The following FOCAD variants were observed in gnomAD, a reference collection of about 807,000 sequenced individuals.
FOCAD encodes focadhesin.
FOCAD carries 198 observed loss-of-function variants against 225.6 expected under a neutral mutation model. The ratio of observed to expected loss-of-function variants is 0.88; its 90% CI spans 0.78 to 0.99. FOCAD has a LOEUF of 0.99. Among genes scored for constraint, FOCAD ranks in the 50% least tolerant of loss-of-function variants. The pLI is 0.00. For synonymous variants in FOCAD, 897 were observed against 755.0 expected, an observed-to-expected ratio of 1.19 and a Z score of -3.08; for missense variants, 2,713 against 2,123.6, an observed-to-expected ratio of 1.28 and a Z score of -5.46.
chr9:20,658,976 T>G (rs911434844), intron 2 of FOCAD: 2 of 152,452 alleles, frequency 1.3e-5, no homozygotes, highest in Admixed American at 6.5e-5. Flanking sequence ...GCCTAGCACT[T>G]TGGGAGGCTG....
chr9:20,694,289 A>G (rs1020903865), intron 1 of FOCAD, among the ~76,000 whole-genome samples: 2 of 152,228 alleles, frequency 1.3e-5, no homozygotes, highest in Non-Finnish European at 2.9e-5. Flanking sequence ...TGAGAACTTC[A>G]GATAAGAGAA....
chr9:20,965,686 C>G (rs1265805119), intron 35 of FOCAD, among the ~76,000 whole-genome samples: 1 of 152,076 alleles, frequency 6.6e-6, no homozygotes, highest in Non-Finnish European at 1.5e-5. Context: ...CAGTTGTTCC[C>G]CATTTCCCAT....
chr9:20,749,042 A>G (rs1443127239), intron 5 of FOCAD, among the ~76,000 whole-genome samples: 1 of 152,074 alleles, frequency 6.6e-6, no homozygotes, highest in East Asian at 1.9e-4. Flanking sequence ...CCCAGTGATC[A>G]TAGCACACAA....
chr9:20,974,845 A>G (rs549185935), intron 35 of FOCAD, among the ~76,000 whole-genome samples: 3 of 149,032 alleles, frequency 2.0e-5, no homozygotes, highest in African/African-American at 7.5e-5. Flanking sequence ...ACGTTTGCTG[A>G]CTCTGGCTCC....
intron 21 of FOCAD, among the ~76,000 whole-genome samples, chr9:20,897,890 TA>T (rs1432579262): frequency 1.3e-5 from 2 of 151,844 alleles, no homozygotes; most frequent in African/African-American, 4.8e-5. Context: ...GCTTACTCCC[TA>T]AAAAAACTTT....
At chr9:20,980,321 A>G (rs887414643) in intron 37 of FOCAD, among the ~76,000 whole-genome samples, 74 of 152,286 alleles carry the variant, frequency 4.9e-4, no homozygotes, top group African/African-American at 1.6e-3. Context: ...AGCTCTATCT[A>G]TCTGAGTTCA....
At chr9:20,771,508 C>CA (rs1384261058) in intron 8 of FOCAD, among the ~76,000 whole-genome samples, 6 of 152,142 alleles carry the variant, frequency 3.9e-5, no homozygotes, top group Admixed American at 2.6e-4. Context: ...CCTGTAATCC[C>CA]AGCACTTTGG....
chr9:20,802,709 A>G (rs1292720079), intron 11 of FOCAD, among the ~76,000 whole-genome samples: 3 of 152,180 alleles, frequency 2.0e-5, no homozygotes, highest in East Asian at 1.9e-4. Context: ...GTTAGATTGC[A>G]GTAAAATTTC....
intron 6 of FOCAD, among the ~76,000 whole-genome samples, chr9:20,760,635 G>C (rs1012488866): frequency 6.6e-6 from 1 of 152,072 alleles, no homozygotes; most frequent in East Asian, 1.9e-4. Context: ...TTGCCCTAGG[G>C]TCTTTTCTTA....
intron 1 of FOCAD, among the ~76,000 whole-genome samples, chr9:20,691,859 C>T (rs1012849817): frequency 3.3e-5 from 5 of 152,192 alleles, no homozygotes; most frequent in Admixed American, 2.0e-4. Context: ...CTGCAACCTC[C>T]GCCTCCCGGG....
chr9:20,820,873 T>C (rs1439037723), intron 13 of FOCAD, 68 bp from the exon 14 acceptor site: 1 of 1,553,544 alleles, frequency 6.4e-7, no homozygotes, highest in Admixed American at 1.8e-5. Flanking sequence ...AAATGCTGAG[T>C]AAAAGGAAGA....
At chr9:20,751,685 A>C (rs201625280) in intron 5 of FOCAD, among the ~76,000 whole-genome samples, 6 of 148,590 alleles carry the variant, frequency 4.0e-5, no homozygotes, top group African/African-American at 1.2e-4. Context: ...TAATGGGATG[A>C]CTGGGTCAAA....
At chr9:20,825,183 G>C (rs1011073597) in intron 15 of FOCAD, among the ~76,000 whole-genome samples, 50 of 146,404 alleles carry the variant, frequency 3.4e-4, no homozygotes, top group African/African-American at 1.3e-3. Flanking sequence ...GTGTGTGTGT[G>C]TTCATTATTT....
At chr9:20,935,487 G>A (rs778339737) in intron 28 of FOCAD, among the ~76,000 whole-genome samples, 11 of 152,058 alleles carry the variant, frequency 7.2e-5, no homozygotes, top group African/African-American at 1.2e-4. Flanking sequence ...TGCAACCTCC[G>A]CCTCCCGAGT....
At chr9:20,762,893 G>C (rs904289385) in intron 6 of FOCAD, among the ~76,000 whole-genome samples, 1 of 152,028 alleles carries the variant, frequency 6.6e-6, no homozygotes, top group Non-Finnish European at 1.5e-5. Context: ...CCAAGGTTTA[G>C]CTCCCACTCT....
At position 20,919,025 on chromosome 9, in the gene FOCAD, A is replaced by G. The variant is rs147960132; in HGVS notation, c.2852+2088A>G. ...TGTTTTGTTCAGAGCTAGAAGTTAA[A>G]TGCAAAAAGTGACATACCAATCATG... On this transcript the variant is annotated intron_variant, in intron 24 of 43. Transcript: ENST00000338382. Among the ~76,000 whole-genome samples the G allele has an allele frequency of 1.7e-4, 26 of 152,260 alleles. No homozygotes were observed. The East Asian group carries it at 4.6e-3, about 27-fold the overall frequency.
intron 11 of FOCAD, among the ~76,000 whole-genome samples, chr9:20,798,355 G>C (rs1821373867): frequency 6.6e-6 from 1 of 152,106 alleles, no homozygotes; most frequent in Non-Finnish European, 1.5e-5. Flanking sequence ...GATGATGCTG[G>C]CCTCATAAAA....
chr9:20,946,513 C>A (rs867469834), intron 29 of FOCAD, among the ~76,000 whole-genome samples, 188 bp from the exon 30 acceptor site: 1 of 152,102 alleles, frequency 6.6e-6, no homozygotes, highest in South Asian at 2.1e-4. Flanking sequence ...ATAATCATAC[C>A]CATCATGACA....
intron 22 of FOCAD, among the ~76,000 whole-genome samples, chr9:20,910,697 T>C (rs1053596977): frequency 6.6e-6 from 1 of 152,068 alleles, no homozygotes; most frequent in Non-Finnish European, 1.5e-5. Context: ...CCAAAAATGT[T>C]AATCAGAAAG....
Sources: gnomAD v4.1 joint callset for allele counts (sites outside exome capture counted in the v4.1 genomes callset) on GRCh38, gnomAD v4.1.1 for gene constraint, MANE v1.5 for transcripts, NCBI Gene and HGNC (gene_info 2026-07-23, HGNC 2026-07-21) for gene names.